The following GAPDHS variants were observed in gnomAD, a reference collection of about 807,000 sequenced individuals.
The protein encoded by GAPDHS is glyceraldehyde-3-phosphate dehydrogenase, testis-specific.
A neutral mutation model predicts 48.7 loss-of-function variants in GAPDHS; 42 were observed. That is an observed-to-expected ratio of 0.86 (90% CI 0.67 to 1.12). The LOEUF is 1.12. Ranked by LOEUF, GAPDHS falls within the 50% of genes most tolerant of loss-of-function variation. The pLI is 0.00. For missense variants in GAPDHS, 512 were observed against 557.7 expected (o/e 0.92, Z 0.82); for synonymous variants, 166 against 219.1 (o/e 0.76, Z 2.14).
Position 35,543,541 on chromosome 19 carries a change from C to A in GAPDHS, c.893+50C>A, listed in dbSNP as rs1325198300. 3.8e-6 allele frequency: 6 copies of A among 1,576,428 alleles called. No individual in the cohort carries two copies. In the East Asian group the frequency reaches 6.7e-5, roughly 18 times the overall value. On this transcript the variant is annotated intron_variant, in intron 8 of 10. Transcript: ENST00000222286. ...AGGGTGGGGGCATACGCCAGGAGGA[C>A]TGGACTGGCCCGGCCCTCAGTCCTT...
intron 1 of GAPDHS, among the ~76,000 whole-genome samples, chr19:35,534,147 A>G (rs2071449778): frequency 6.6e-6 from 1 of 152,076 alleles, no homozygotes; most frequent in Admixed American, 6.5e-5. Context: ...AGAGAGGGCA[A>G]ACTACTTCCT....
At chr19:35,534,624 G>A (rs964009610) in intron 1 of GAPDHS, among the ~76,000 whole-genome samples, 1 of 152,036 alleles carries the variant, frequency 6.6e-6, no homozygotes, top group Non-Finnish European at 1.5e-5. Context: ...AGTTTTCTTC[G>A]GAAGGGTCAC....
chr19:35,535,802 C>T (rs1338916393), intron 1 of GAPDHS, among the ~76,000 whole-genome samples: 2 of 145,912 alleles, frequency 1.4e-5, no homozygotes, highest in African/African-American at 5.1e-5. Flanking sequence ...CAGAGTCTCA[C>T]TCTGTCGCCC....
At chr19:35,537,042 C>T in intron 2 of GAPDHS, 52 bp downstream of exon 2, 1 of 1,420,342 alleles carries the variant, frequency 7.0e-7, no homozygotes, top group Non-Finnish European at 9.6e-7. Context: ...CCCAGCCCCT[C>T]CTCTGGCTGC....
intron 7 of GAPDHS, 81 bp downstream of exon 7, chr19:35,543,107 G>C (rs2071516826): frequency 1.7e-6 from 2 of 1,170,720 alleles, no homozygotes; most frequent in Non-Finnish European, 2.6e-6. Context: ...ACTGTATGGA[G>C]TTAAGAGGGA....
At chr19:35,535,239 G>A (rs548362568) in intron 1 of GAPDHS, among the ~76,000 whole-genome samples, 6 of 152,270 alleles carry the variant, frequency 3.9e-5, no homozygotes, top group South Asian at 4.1e-4. Context: ...ACCTCCAGGC[G>A]CAGGTGTTTT....
chr19:35,533,711 A>G, intron 1 of GAPDHS, 117 bp downstream of exon 1: 1 of 718,970 alleles, frequency 1.4e-6, no homozygotes, highest in African/African-American at 1.8e-5. Flanking sequence ...CCATCTAGGG[A>G]CCAGGGGATC....
Position 35,533,600 on chromosome 19 carries a change from G to C in GAPDHS, c.67+6G>C. On this transcript the variant is annotated splice_donor_region_variant and intron_variant, in intron 1 of 10. Transcript: ENST00000222286. ...GCTGCGACAGCCGTGCCCGGGTGAG[G>C]GAGGCAGCGGAGGGCGCGGGGGAGG... is the stretch of plus-strand genomic sequence containing the variant. The C allele has an allele frequency of 6.2e-7, 1 of 1,607,752 alleles. No individual in the cohort carries two copies. The highest frequency in any genetic ancestry group is 8.5e-7 in the Non-Finnish European group (1 of 1,177,148).
At chr19:35,538,115 A>G (rs1201779256) in intron 2 of GAPDHS, among the ~76,000 whole-genome samples, 192 bp from the exon 3 acceptor site, 1 of 152,014 alleles carries the variant, frequency 6.6e-6, no homozygotes, top group Non-Finnish European at 1.5e-5. Flanking sequence ...GGGTTAGGGA[A>G]CGGATTGGGA....
chr19:35,534,181 G>A (rs935286761), intron 1 of GAPDHS, among the ~76,000 whole-genome samples: 2 of 146,154 alleles, frequency 1.4e-5, no homozygotes, highest in East Asian at 2.3e-4. Context: ...AGGGCGGCGC[G>A]CCCGCGCGCG....
In GAPDHS at chr19:35,538,562, T is replaced by C. The variant is rs1484690828; in HGVS notation, c.343-15T>C. The C allele has an allele frequency of 6.5e-7, 1 of 1,528,876 alleles. No homozygotes were observed. The highest frequency in any genetic ancestry group is 1.7e-5 in the Admixed American group (1 of 59,762). The allele number at this position is 1,528,876 out of a possible 1,614,324, so 94.7% of individuals were successfully genotyped here. A position where few individuals can be genotyped will look rare whatever the true frequency, so the allele number is the denominator to read the frequency against. ...CCTGCCACCCCAAGACTAGGAGCCA[T>C]TCCATCCCCCACAGGTGTACATGTT... On this transcript the variant is annotated splice_polypyrimidine_tract_variant and intron_variant, in intron 3 of 10. Transcript: ENST00000222286.
At chr19:35,539,906 T>TGGA (rs1326039087) in intron 4 of GAPDHS, among the ~76,000 whole-genome samples, 5 of 152,220 alleles carry the variant, frequency 3.3e-5, no homozygotes, top group African/African-American at 1.2e-4. Context: ...AGCTGCCCCC[T>TGGA]CCGTCCACGG....
rs201716570 is a variant in GAPDHS, at chr19:35,543,313, C to T, written c.742-27C>T. ...CATGGGAGCTTAGGAGCATGAAGGCCTCATCTTGGTCCTTCTCTTCCCCAA... is the reference window on the plus strand; with the variant it reads ...CATGGGAGCTTAGGAGCATGAAGGCTTCATCTTGGTCCTTCTCTTCCCCAA... On this transcript the variant is annotated intron_variant, in intron 7 of 10. Transcript: ENST00000222286. 5 of 1,606,642 alleles carry T rather than the reference C, an allele frequency of 3.1e-6. No individual in the cohort carries two copies. The African/African-American group carries it at 5.4e-5, about 17-fold the overall frequency.
rs1432697624 is a variant in GAPDHS, at chr19:35,543,022, T to G, written c.737T>G (p.Leu246Trp). Residue 246 changes from leucine to tryptophan, a missense_variant, in exon 7 of 11, where the codon TTG becomes TGG. Physicochemically the swap from Leu to Trp is moderately conservative, Grantham distance 61 (BLOSUM62 -2). Transcript: ENST00000222286. ...IHERFGIVEG[L>W]MTTVHSYTAT... The stretch of plus-strand genomic sequence containing the variant: ...GAGCGATTTGGGATCGTGGAAGGGT[T>G]GATGGTGAGTTGAGGATGAGGGGCT... The G allele has an allele frequency of 6.2e-7, 1 of 1,610,658 alleles. No homozygotes were observed. Among genetic ancestry groups the G allele is most frequent in the South Asian group, 1.1e-5 (1 of 91,012 alleles).
At chr19:35,535,616 A>C (rs2071460686) in intron 1 of GAPDHS, among the ~76,000 whole-genome samples, 1 of 151,324 alleles carries the variant, frequency 6.6e-6, no homozygotes, top group Admixed American at 6.6e-5. Context: ...CAAACTCCCA[A>C]CCTCAGGTGA....
intron 2 of GAPDHS, 50 bp downstream of exon 2, chr19:35,537,040 C>T (rs1385589312): frequency 7.0e-7 from 1 of 1,434,794 alleles, no homozygotes; most frequent in Admixed American, 2.0e-5. Context: ...AGCCCAGCCC[C>T]TCCTCTGGCT....
rs2071509110 is a variant in GAPDHS, at chr19:35,542,325, GC to G, written c.459del (p.Lys154AsnfsTer63). ...CCCTGCCACTTCCCCACAGCAAAGA[GC>G]CCAAACAGATCCCCTGGAGGGCTGT... is the stretch of plus-strand genomic sequence containing the variant. ...HEISVYQCKE[P>X]KQIPWRAVGS... On this transcript the variant is annotated frameshift_variant, in exon 5 of 11. Coordinates refer to ENST00000222286, the MANE Select transcript of GAPDHS (RefSeq NM_014364.5). LOFTEE classifies it high-confidence loss of function. 1 of 1,610,056 alleles carries G rather than the reference GC, an allele frequency of 6.2e-7. No individual in the cohort carries two copies.
At chr19:35,539,546 T>C (rs2239942) in intron 4 of GAPDHS, among the ~76,000 whole-genome samples, 31,561 of 151,926 alleles carry the variant, frequency 0.21, 3,382 homozygotes, top group East Asian at 0.3. Context: ...CTTTTACACA[T>C]ACACACCCAC....
intron 2 of GAPDHS, 77 bp from the exon 3 acceptor site, chr19:35,538,230 C>A: frequency 2.0e-6 from 2 of 1,001,880 alleles, no homozygotes; most frequent in Non-Finnish European, 1.5e-6. Context: ...ATTAAGGATT[C>A]CCAACCAGGC....
Sources: gnomAD v4.1 joint callset for allele counts (sites outside exome capture counted in the v4.1 genomes callset) on GRCh38, gnomAD v4.1.1 for gene constraint, MANE v1.5 for transcripts, NCBI Gene and HGNC (gene_info 2026-07-23, HGNC 2026-07-21) for gene names.